The following AGO3 variants were observed in gnomAD, a reference collection of about 807,000 sequenced individuals.
AGO3 encodes the protein protein argonaute-3.
AGO3 carries 16 observed loss-of-function variants against 105.5 expected under a neutral mutation model. The ratio of observed to expected loss-of-function variants is 0.15; its 90% CI spans 0.10 to 0.23. AGO3 has a LOEUF of 0.23. AGO3 is among the 10% of genes least tolerant of loss of function. The pLI, the probability that AGO3 is intolerant of heterozygous loss-of-function variation, is 1.00. For synonymous variants in AGO3, 340 were observed against 367.3 expected (o/e 0.93, Z 0.85); for missense variants, 534 against 1,088.0 (o/e 0.49, Z 7.16).
intron 3 of AGO3, among the ~76,000 whole-genome samples, chr1:35,970,048 T>C (rs1646838074): frequency 6.6e-6 from 1 of 152,198 alleles, no homozygotes; most frequent in South Asian, 2.1e-4. Flanking sequence ...TGGCACAGGA[T>C]GTTCCTGGTT....
chr1:35,949,780 G>C (rs939946000), intron 2 of AGO3, among the ~76,000 whole-genome samples: 1 of 152,088 alleles, frequency 6.6e-6, no homozygotes, highest in Non-Finnish European at 1.5e-5. Context: ...ACCACACCAA[G>C]ATCATTTTTT....
intron 5 of AGO3, among the ~76,000 whole-genome samples, chr1:35,987,796 G>A (rs1409519153): frequency 1.3e-5 from 2 of 151,502 alleles, no homozygotes; most frequent in East Asian, 3.9e-4. Flanking sequence ...TGGGCCAGGC[G>A]TGGTAGCTCA....
chr1:35,971,144 TATATA>T (rs1422922204), intron 3 of AGO3, among the ~76,000 whole-genome samples: 1 of 135,826 alleles, frequency 7.4e-6, no homozygotes, highest in South Asian at 2.1e-4. Flanking sequence ...AATTTATAAA[TATATA>T]ATATATATTT....
In AGO3 at chr1:36,061,910, A is replaced by G. The variant is rs1300558987; in HGVS notation, c.*6165A>G. 1 of 152,188 alleles carries G rather than the reference A, an allele frequency of 6.6e-6. No individual in the cohort carries two copies. Among genetic ancestry groups the G allele is most frequent in the East Asian group, 1.9e-4 (1 of 5,200 alleles). The allele number at this position is 152,188 out of a possible 1,614,324, so 9.4% of individuals were successfully genotyped here. Reference sequence around the variant, plus strand: ...TTAGTTGTTGTCTTGAATCTCGTCCAAGGGAACCAAGGAAAGCTTTTATGC... The same window carrying G: ...TTAGTTGTTGTCTTGAATCTCGTCCGAGGGAACCAAGGAAAGCTTTTATGC... On this transcript the variant is annotated 3_prime_UTR_variant, in exon 19 of 19. Coordinates refer to ENST00000373191, the MANE Select transcript of AGO3 (RefSeq NM_024852.4).
At chr1:36,031,647 C>T (rs544197801) in intron 12 of AGO3, among the ~76,000 whole-genome samples, 1 of 152,202 alleles carries the variant, frequency 6.6e-6, no homozygotes, top group Admixed American at 6.5e-5. Context: ...TTTCCATCAT[C>T]CCAAACTGAA....
intron 5 of AGO3, among the ~76,000 whole-genome samples, chr1:35,977,862 A>C (rs560337535): frequency 2.6e-5 from 4 of 152,072 alleles, no homozygotes; most frequent in African/African-American, 9.6e-5. Flanking sequence ...ATTACTTCTT[A>C]TCAAAAAACT....
At chr1:35,963,910 AC>A (rs1646726979) in intron 2 of AGO3, among the ~76,000 whole-genome samples, 1 of 152,060 alleles carries the variant, frequency 6.6e-6, no homozygotes, top group African/African-American at 2.4e-5. Flanking sequence ...ACAGAAGATA[AC>A]CACATGTAAC....
Position 35,981,453 on chromosome 1 carries a change from C to G in AGO3, c.658+7942C>G, listed in dbSNP as rs563389346. 4.6e-4 allele frequency among the ~76,000 whole-genome samples: 70 copies of G among 152,202 alleles called. 1 individual carries two copies. The highest frequency in any genetic ancestry group is 1.7e-3 in the African/African-American group (70 of 41,532). ...CCACATCTCCTATGCCTCTCAGTAA[C>G]TTAAGGGGTTTAAGTAATATGAACT... On this transcript the variant is annotated intron_variant, in intron 5 of 18. Transcript: ENST00000373191.
At position 36,009,413 on chromosome 1, in the gene AGO3, CTAAG is replaced by C. The variant is rs1056394373; in HGVS notation, c.1030-57_1030-54del. 3.0e-5 allele frequency: 45 copies of C among 1,502,356 alleles called. No homozygotes were observed. The African/African-American group carries it at 3.5e-4, about 12-fold the overall frequency. 93.1% of individuals were successfully genotyped at this position (1,502,356 alleles called of 1,614,324 possible). A position where few individuals can be genotyped will look rare whatever the true frequency, so the allele number is the denominator to read the frequency against. On this transcript the variant is annotated intron_variant, in intron 8 of 18. Coordinates refer to ENST00000373191, the MANE Select transcript of AGO3 (RefSeq NM_024852.4). ...AATTTTTATTTACATGTAATTGGCA[CTAAG>C]TAAGAGCTAAAAAAAAAAGATATAT...
intron 14 of AGO3, among the ~76,000 whole-genome samples, chr1:36,036,490 T>A (rs1642015142): frequency 6.6e-6 from 1 of 152,222 alleles, no homozygotes; most frequent in Non-Finnish European, 1.5e-5. Context: ...TGTATTATAC[T>A]TTAATTTGTC....
chr1:35,990,102 A>G (rs1288103089), intron 5 of AGO3, among the ~76,000 whole-genome samples: 2 of 152,152 alleles, frequency 1.3e-5, no homozygotes, highest in African/African-American at 4.8e-5. Flanking sequence ...AAAGCGGGAG[A>G]AGTTCAACTC....
intron 11 of AGO3, among the ~76,000 whole-genome samples, chr1:36,023,307 G>A (rs533890531): frequency 6.6e-4 from 100 of 152,300 alleles, no homozygotes; most frequent in African/African-American, 2.2e-3. Context: ...ACCATGCTTC[G>A]TCACTCAGTG....
At chr1:36,052,247 T>C (rs898006373) in intron 17 of AGO3, among the ~76,000 whole-genome samples, 3 of 152,172 alleles carry the variant, frequency 2.0e-5, no homozygotes, top group African/African-American at 4.8e-5. Context: ...AGAATGAAAT[T>C]CTGTCATTTG....
chr1:35,950,902 T>C (rs963195524), intron 2 of AGO3, among the ~76,000 whole-genome samples: 1 of 152,218 alleles, frequency 6.6e-6, no homozygotes, highest in Non-Finnish European at 1.5e-5. Context: ...TTTTAAAACA[T>C]GAATAAAAAT....
In AGO3 at chr1:35,932,127, T is replaced by C. The variant is rs533999402; in HGVS notation, c.19+682T>C. 2.5e-4 allele frequency among the ~76,000 whole-genome samples: 38 copies of C among 152,336 alleles called. 1 individual carries two copies. The highest frequency in any genetic ancestry group is 8.7e-4 in the African/African-American group (36 of 41,562). On this transcript the variant is annotated intron_variant, in intron 1 of 18. Transcript: ENST00000373191. ...GAAATTTGGAATTTAAGAAAACTGC[T>C]TTATCTCTGGGGGCAAGAGCAGCAG...
chr1:36,028,961 G>A (rs915058622), intron 12 of AGO3, among the ~76,000 whole-genome samples: 2 of 152,172 alleles, frequency 1.3e-5, no homozygotes, highest in Admixed American at 1.3e-4. Flanking sequence ...GATTACAGGT[G>A]TGAGCCACTG....
At position 36,069,148 on chromosome 1, in the gene AGO3, GGCTGAACTA is replaced by G. The variant is rs1336401041; in HGVS notation, c.*13404_*13412del. 3 of 152,254 alleles carry G rather than the reference GGCTGAACTA, an allele frequency of 2.0e-5. No individual in the cohort carries two copies. Among genetic ancestry groups the G allele is most frequent in the African/African-American group, 7.2e-5 (3 of 41,422 alleles). 9.4% of individuals were successfully genotyped at this position (152,254 alleles called of 1,614,324 possible). On this transcript the variant is annotated 3_prime_UTR_variant, in exon 19 of 19. Coordinates refer to ENST00000373191, the MANE Select transcript of AGO3 (RefSeq NM_024852.4). Reference sequence around the variant, plus strand: ...AGTCAGGGTCTCACTCTGTTGCCCAGGCTGAACTACAGTAGTGTGATCATAGCTCACTAC... The same window carrying G: ...AGTCAGGGTCTCACTCTGTTGCCCAGCAGTAGTGTGATCATAGCTCACTAC...
chr1:36,028,222 T>A (rs1258587262), intron 12 of AGO3, among the ~76,000 whole-genome samples: 1 of 151,770 alleles, frequency 6.6e-6, no homozygotes, highest in Non-Finnish European at 1.5e-5. Flanking sequence ...TTTATTTTTT[T>A]ATTTTTTTTG....
At chr1:36,030,759 A>C (rs1006746433) in intron 12 of AGO3, among the ~76,000 whole-genome samples, 1 of 152,134 alleles carries the variant, frequency 6.6e-6, no homozygotes, top group Non-Finnish European at 1.5e-5. Flanking sequence ...GATTACAGGC[A>C]TGTGCCACTG....
Sources: gnomAD v4.1 joint callset for allele counts (sites outside exome capture counted in the v4.1 genomes callset) on GRCh38, gnomAD v4.1.1 for gene constraint, MANE v1.5 for transcripts, NCBI Gene and HGNC (gene_info 2026-07-23, HGNC 2026-07-21) for gene names.